ARID1B: variants seen among roughly 807,000 people sequenced by gnomAD.
The protein encoded by ARID1B is AT-rich interaction domain 1B, also known as AT-rich interactive domain-containing protein 1B.
Under a neutral mutation model 212.3 loss-of-function variants are expected in ARID1B, and 30 were observed. That is an observed-to-expected ratio of 0.14 (90% CI 0.11 to 0.19). The LOEUF (loss-of-function observed/expected upper bound fraction) is 0.19. Ranked by LOEUF, ARID1B falls within the 10% of genes least tolerant of loss-of-function variation. The pLI, the probability that ARID1B is intolerant of heterozygous loss-of-function variation, is 1.00. For synonymous variants in ARID1B, 1,402 were observed against 1,301.7 expected, an observed-to-expected ratio of 1.08 and a Z score of -1.66; for missense variants, 2,891 against 3,204.0, an observed-to-expected ratio of 0.90 and a Z score of 2.36.
chr6:157,116,012 C>T (rs1025984367), intron 6 of ARID1B, among the ~76,000 whole-genome samples: 4 of 152,108 alleles, frequency 2.6e-5, no homozygotes, highest in African/African-American at 7.2e-5. Context: ...ATGAATCTTA[C>T]AAAAATTGTA....
intron 2 of ARID1B, among the ~76,000 whole-genome samples, chr6:156,861,340 C>G (rs911799085): frequency 2.0e-5 from 3 of 152,194 alleles, no homozygotes; most frequent in African/African-American, 7.2e-5. Context: ...GTGGTTCATG[C>G]CTCTAATCCT....
intron 2 of ARID1B, among the ~76,000 whole-genome samples, chr6:156,833,452 G>GT (rs1204397985): frequency 7.3e-5 from 11 of 151,298 alleles, no homozygotes; most frequent in South Asian, 6.3e-4. Flanking sequence ...TTTTTCCTGA[G>GT]TTTTTTTTTG....
chr6:156,997,549 G>A (rs1778665312), intron 4 of ARID1B, among the ~76,000 whole-genome samples: 1 of 152,098 alleles, frequency 6.6e-6, no homozygotes, highest in South Asian at 2.1e-4. Flanking sequence ...AAACATGGTA[G>A]GCATGTTTAT....
chr6:157,037,422 G>C (rs770501245), intron 4 of ARID1B, among the ~76,000 whole-genome samples: 1 of 152,162 alleles, frequency 6.6e-6, no homozygotes, highest in Admixed American at 6.6e-5. Context: ...CAGAGGCTGC[G>C]AGTCGGGTGG....
At chr6:157,129,874 G>A (rs1323394468) in intron 6 of ARID1B, among the ~76,000 whole-genome samples, 1 of 152,168 alleles carries the variant, frequency 6.6e-6, no homozygotes, top group African/African-American at 2.4e-5. Flanking sequence ...AAAAACTTAA[G>A]AGTATCGTAT....
intron 12 of ARID1B, among the ~76,000 whole-genome samples, chr6:157,183,204 G>A (rs934526230): frequency 3.3e-5 from 5 of 152,058 alleles, no homozygotes; most frequent in Non-Finnish European, 4.4e-5. Flanking sequence ...ACTGAGCAGC[G>A]CCCAGCTTGC....
At chr6:157,037,270 A>G (rs1781393371) in intron 4 of ARID1B, among the ~76,000 whole-genome samples, 1 of 152,222 alleles carries the variant, frequency 6.6e-6, no homozygotes, top group African/African-American at 2.4e-5. Flanking sequence ...TCCCCGCTTC[A>G]GACAGAACCC....
chr6:157,171,120 A>G (rs968550871), intron 9 of ARID1B, among the ~76,000 whole-genome samples: 1 of 152,242 alleles, frequency 6.6e-6, no homozygotes, highest in Non-Finnish European at 1.5e-5. Flanking sequence ...GACTCATGTC[A>G]TGTGTTCTTT....
At chr6:156,905,957 T>A (rs1789341509) in intron 3 of ARID1B, among the ~76,000 whole-genome samples, 1 of 152,216 alleles carries the variant, frequency 6.6e-6, no homozygotes, top group South Asian at 2.1e-4. Flanking sequence ...CTTTTTCCTT[T>A]TTGGAGCCCA....
At chr6:157,144,638 A>G (rs746411743) in intron 7 of ARID1B, among the ~76,000 whole-genome samples, 12 of 151,924 alleles carry the variant, frequency 7.9e-5, no homozygotes, top group Non-Finnish European at 1.6e-4. Context: ...TCCTTCTCAC[A>G]GGGAAAAGTC....
rs950449922 is a variant in ARID1B at position 156,887,804 on chromosome 6, C to G, written c.1987-13572C>G. On this transcript the variant is annotated intron_variant, in intron 2 of 19. Transcript: ENST00000636930. ...CAATTTCAAAGGCTGTATTTAAAAC[C>G]TACACACGAATGAGTAATTTATATG... Among the ~76,000 whole-genome samples the G allele has an allele frequency of 9.2e-5, 14 of 152,150 alleles. 1 individual carries two copies. Among genetic ancestry groups the G allele is most frequent in the Admixed American group, 7.9e-4 (12 of 15,276 alleles).
intron 4 of ARID1B, among the ~76,000 whole-genome samples, chr6:157,000,665 C>T (rs186088626): frequency 6.7e-6 from 1 of 148,706 alleles, no homozygotes; most frequent in East Asian, 2.0e-4. Context: ...GATGGATTTA[C>T]ACCCTTTCTA....
chr6:157,125,367 T>C (rs1374292916), intron 6 of ARID1B, among the ~76,000 whole-genome samples: 1 of 152,200 alleles, frequency 6.6e-6, no homozygotes, highest in East Asian at 1.9e-4. Flanking sequence ...TTCTTGACAG[T>C]TGGTAGCTGG....
intron 4 of ARID1B, among the ~76,000 whole-genome samples, chr6:157,026,590 CACCT>C (rs1780683258): frequency 6.6e-6 from 1 of 152,156 alleles, no homozygotes; most frequent in South Asian, 2.1e-4. Flanking sequence ...CTTCCAGTCT[CACCT>C]AAGCCTCATG....
chr6:156,961,902 C>T (rs1254331579), intron 4 of ARID1B, among the ~76,000 whole-genome samples: 1 of 152,144 alleles, frequency 6.6e-6, no homozygotes, highest in East Asian at 1.9e-4. Flanking sequence ...CTAATCTCTT[C>T]TAAGTCAATT....
chr6:156,988,239 G>C (rs1458702952), intron 4 of ARID1B, among the ~76,000 whole-genome samples: 1 of 152,204 alleles, frequency 6.6e-6, no homozygotes, highest in African/African-American at 2.4e-5. Flanking sequence ...AAACAGACCA[G>C]TAATATGCTA....
intron 4 of ARID1B, among the ~76,000 whole-genome samples, chr6:157,067,241 A>T (rs1783724137): frequency 6.6e-6 from 1 of 152,244 alleles, no homozygotes; most frequent in African/African-American, 2.4e-5. Flanking sequence ...AGTAACCAGT[A>T]GAAGTAAGGA....
chr6:156,778,712 C>T lies in ARID1B; in HGVS notation c.1032C>T (p.Pro344=), dbSNP rs1474425561. 3.3e-6 allele frequency: 5 copies of T among 1,522,874 alleles called. No homozygotes were observed. The highest frequency in any genetic ancestry group is 4.4e-6 in the Non-Finnish European group (5 of 1,133,858). The allele number at this position is 1,522,874 out of a possible 1,614,324, so 94.3% of individuals were successfully genotyped here. The change falls in exon 1 of 20, where the codon CCC becomes CCT. Residue 344 remains proline, a synonymous_variant. Transcript: ENST00000636930. The stretch of plus-strand genomic sequence containing the variant: ...ATCAACATGGCGGACAACAAAGCCC[C>T]GGGATGGGGATGATGCACTCCGCCT... The part of the protein sequence containing the change: ...CFDQHGGQQS[P]GMGMMHSASA...
chr6:157,131,062 G>A (rs1283612464), intron 6 of ARID1B, among the ~76,000 whole-genome samples: 1 of 152,126 alleles, frequency 6.6e-6, no homozygotes, highest in Non-Finnish European at 1.5e-5. Context: ...GGAGGTACCT[G>A]GCCTTCCAGT....
Sources: allele counts gnomAD v4.1 joint callset (sites outside exome capture counted in the v4.1 genomes callset), GRCh38; gene constraint gnomAD v4.1.1; transcripts MANE v1.5; gene names NCBI Gene and HGNC (gene_info 2026-07-23, HGNC 2026-07-21).